Variants in CACNA1A observed in about 807,000 individuals in gnomAD.
CACNA1A encodes calcium voltage-gated channel subunit alpha1 A, also known as voltage-dependent P/Q-type calcium channel subunit alpha-1A.
In CACNA1A, 57 loss-of-function variants were observed where a neutral mutation model predicts 262.4. That is an observed-to-expected ratio of 0.22 (90% CI 0.18 to 0.27). The LOEUF (loss-of-function observed/expected upper bound fraction) is 0.27. CACNA1A is among the 10% of genes least tolerant of loss of function. The pLI, the probability that CACNA1A is intolerant of heterozygous loss-of-function variation, is 1.00. For synonymous variants in CACNA1A, 1,431 were observed against 1,419.3 expected (o/e 1.01, Z -0.18); for missense variants, 2,526 against 3,562.8 (o/e 0.71, Z 7.41).
chr19:13,505,971 T>A lies in CACNA1A; in HGVS notation c.254A>T (p.Asn85Ile), dbSNP rs746902081. 1 of 1,613,834 alleles carries A rather than the reference T, an allele frequency of 6.2e-7. No homozygotes were observed. Among genetic ancestry groups the A allele is most frequent in the Admixed American group, 1.7e-5 (1 of 59,998 alleles). The change falls in exon 1 of 47, where the codon AAC becomes ATC. Residue 85 changes from asparagine to isoleucine, a missense_variant. By Grantham distance (149) the Asn-to-Ile change is moderately radical (BLOSUM62 -3). This residue lies in a region of CACNA1A where 77 missense variants were observed against 228.4 expected (regional missense o/e 0.34). Transcript: ENST00000360228. ...CTTTTTGGCGTATTTTCTCACCACG[T>A]TGTCTTCGCTGAAGAGGAAGAGAGA... Reference protein sequence around the residue: ...NRSLFLFSEDNVVRKYAKKIT... With the variant: ...NRSLFLFSEDIVVRKYAKKIT...
chr19:13,412,524 C>T (rs1334364833), intron 3 of CACNA1A, among the ~76,000 whole-genome samples: 1 of 151,226 alleles, frequency 6.6e-6, no homozygotes, highest in Non-Finnish European at 1.5e-5. Context: ...GTCACCCAGG[C>T]TGGAGTGCAG....
intron 1 of CACNA1A, among the ~76,000 whole-genome samples, chr19:13,499,611 G>A (rs1982129084): frequency 1.3e-5 from 2 of 152,044 alleles, no homozygotes; most frequent in Admixed American, 1.3e-4. Context: ...TTTCACGCAC[G>A]ACCCCATTTA....
chr19:13,208,683 G>A, intron 46 of CACNA1A, 73 bp downstream of exon 46: 1 of 1,466,536 alleles, frequency 6.8e-7, no homozygotes. Flanking sequence ...GTGGCTGTTG[G>A]ATGGGGTATC....
At chr19:13,408,551 A>G (rs904581940) in intron 3 of CACNA1A, among the ~76,000 whole-genome samples, 4 of 152,208 alleles carry the variant, frequency 2.6e-5, no homozygotes, top group African/African-American at 9.7e-5. Flanking sequence ...TATATGTTCA[A>G]TACACCAGCA....
intron 1 of CACNA1A, among the ~76,000 whole-genome samples, chr19:13,475,017 C>T (rs1978355709): frequency 6.6e-6 from 1 of 152,068 alleles, no homozygotes; most frequent in Non-Finnish European, 1.5e-5. Flanking sequence ...GATTGAAAAA[C>T]AGGAAAATTA....
intron 1 of CACNA1A, among the ~76,000 whole-genome samples, chr19:13,488,321 G>T (rs1328944840): frequency 6.6e-6 from 1 of 151,128 alleles, no homozygotes; most frequent in Non-Finnish European, 1.5e-5. Context: ...TCCAGGGGAA[G>T]CCCTGGACAA....
intron 15 of CACNA1A, 161 bp downstream of exon 15, chr19:13,307,621 C>T: frequency 1.6e-6 from 1 of 624,118 alleles, no homozygotes; most frequent in Non-Finnish European, 2.8e-6. Context: ...GTTGGCCTCA[C>T]CATAATTGAA....
intron 3 of CACNA1A, among the ~76,000 whole-genome samples, chr19:13,443,174 G>T (rs1467572903): frequency 2.0e-5 from 3 of 151,978 alleles, no homozygotes; most frequent in Non-Finnish European, 4.4e-5. Flanking sequence ...ATAACTGTAA[G>T]AAATAAATTG....
At chr19:13,396,832 GT>G (rs1332258625) in intron 3 of CACNA1A, among the ~76,000 whole-genome samples, 1 of 146,614 alleles carries the variant, frequency 6.8e-6, no homozygotes, top group East Asian at 2.0e-4. Flanking sequence ...TCCGTTTCCG[GT>G]TTGGTTTGGC....
intron 1 of CACNA1A, among the ~76,000 whole-genome samples, chr19:13,489,023 T>C (rs1472106178): frequency 7.5e-6 from 1 of 133,886 alleles, no homozygotes; most frequent in African/African-American, 3.0e-5. Context: ...TTTTTTTTTT[T>C]TTTTTTGAGA....
intron 24 of CACNA1A, among the ~76,000 whole-genome samples, chr19:13,267,395 G>A (rs1157100600): frequency 2.6e-5 from 4 of 151,962 alleles, no homozygotes; most frequent in Non-Finnish European, 4.4e-5. Flanking sequence ...TCAGTCCCCC[G>A]CCCTTGGCAG....
chr19:13,397,888 A>G (rs1346478872), intron 3 of CACNA1A, among the ~76,000 whole-genome samples: 1 of 152,158 alleles, frequency 6.6e-6, no homozygotes, highest in African/African-American at 2.4e-5. Context: ...CCATGGGTTG[A>G]AGATGAGGAG....
At chr19:13,350,179 A>G (rs1377667574) in intron 6 of CACNA1A, among the ~76,000 whole-genome samples, 1 of 152,166 alleles carries the variant, frequency 6.6e-6, no homozygotes, top group Non-Finnish European at 1.5e-5. Flanking sequence ...CAGTACCCCA[A>G]TCCTCCTTCC....
At chr19:13,337,944 G>T (rs10410605) in intron 6 of CACNA1A, among the ~76,000 whole-genome samples, 1,874 of 152,288 alleles carry the variant, frequency 0.012, 38 homozygotes, top group African/African-American at 0.043. Context: ...AACAGGCCGG[G>T]TGCGGTGGCT....
In CACNA1A at chr19:13,369,965, G is replaced by A. The variant is rs540078872; in HGVS notation, c.631+1723C>T. On this transcript the variant is annotated intron_variant, in intron 4 of 46. Coordinates refer to ENST00000360228, the MANE Select transcript of CACNA1A (RefSeq NM_001127222.2). ...CTTTAAACCTGGGTAGCAATGAACC[G>A]GAAGAACGAAGCCAATAAAATGTAA... Among the ~76,000 whole-genome samples the A allele has an allele frequency of 9.2e-5, 14 of 152,234 alleles. No homozygotes were observed. The South Asian group carries it at 1.0e-3, about 11-fold the overall frequency.
rs1050996192 is a variant in CACNA1A at position 13,213,064 on chromosome 19, T to C, written c.5941-324A>G. 1.2e-4 allele frequency among the ~76,000 whole-genome samples: 18 copies of C among 152,004 alleles called. 1 individual carries two copies. The highest frequency in any genetic ancestry group is 2.0e-4 in the Admixed American group (3 of 15,234). On this transcript the variant is annotated intron_variant, in intron 40 of 46. Transcript: ENST00000360228. ...GAGCACTTGAGTCAGGTCCTATCCC[T>C]CCTTTGCTTAGAACCCTCCATGGCT...
chr19:13,365,091 T>A (rs764126131), intron 5 of CACNA1A: 1 of 380,280 alleles, frequency 2.6e-6, no homozygotes, highest in Non-Finnish European at 4.8e-6. Context: ...CTGGGATCAT[T>A]CCCAAATAAA....
At chr19:13,314,300 A>G (rs2058086756) in intron 11 of CACNA1A, among the ~76,000 whole-genome samples, 1 of 152,218 alleles carries the variant, frequency 6.6e-6, no homozygotes, top group South Asian at 2.1e-4. Flanking sequence ...TAAGGCCACA[A>G]AGCTAATTGT....
In CACNA1A at chr19:13,298,908, TGCCCTCCCGGGC is replaced by T; in HGVS notation, c.2713_2724del (p.Ala905_Gly908del). 1.9e-6 allele frequency: 3 copies of T among 1,594,922 alleles called. No homozygotes were observed. The South Asian group carries it at 3.3e-5, about 18-fold the overall frequency. On this transcript the variant is annotated inframe_deletion, in exon 19 of 47. Transcript: ENST00000360228. ...TCCCAGAACCCGGGTTGCTCCAGGC[TGCCCTCCCGGGC>T]GTGGTGGTCCGACTCGCGGCCGTAG...
Sources: allele counts gnomAD v4.1 joint callset (sites outside exome capture counted in the v4.1 genomes callset), GRCh38; gene constraint gnomAD v4.1.1; regional missense constraint gnomAD v4.1.1; transcripts MANE v1.5; gene names NCBI Gene and HGNC (gene_info 2026-07-23, HGNC 2026-07-21).